Variants in EPS15L1 observed in about 807,000 individuals in gnomAD.
The protein encoded by EPS15L1 is epidermal growth factor receptor pathway substrate 15 like 1.
Under a neutral mutation model 117.1 loss-of-function variants are expected in EPS15L1, and 43 were observed. That is an observed-to-expected ratio of 0.37 (90% CI 0.29 to 0.47). The LOEUF (loss-of-function observed/expected upper bound fraction) is 0.47. Among genes scored for constraint, EPS15L1 ranks in the 20% least tolerant of loss-of-function variants. EPS15L1 has a pLI of 0.99. For synonymous variants in EPS15L1, 459 were observed against 470.5 expected (o/e 0.98, Z 0.32); for missense variants, 981 against 1,164.0 (o/e 0.84, Z 2.29).
intron 12 of EPS15L1, among the ~76,000 whole-genome samples, chr19:16,414,348 G>A (rs1053537606): frequency 3.9e-5 from 6 of 152,070 alleles, no homozygotes; most frequent in African/African-American, 1.2e-4. Flanking sequence ...CCCAGCCGAC[G>A]CCTTGACCTC....
intron 13 of EPS15L1, among the ~76,000 whole-genome samples, chr19:16,408,348 G>C (rs897589248): frequency 3.3e-5 from 5 of 152,138 alleles, no homozygotes; most frequent in African/African-American, 1.2e-4. Context: ...ATGGGGCCAG[G>C]CACGGTAGCT....
At chr19:16,398,768 A>T (rs571851900) in intron 16 of EPS15L1, among the ~76,000 whole-genome samples, 1 of 152,038 alleles carries the variant, frequency 6.6e-6, no homozygotes, top group Non-Finnish European at 1.5e-5. Flanking sequence ...TCCGCTTCTG[A>T]CCAGGGCAGG....
intron 3 of EPS15L1, chr19:16,441,115 A>G: frequency 1.6e-6 from 1 of 609,632 alleles, no homozygotes; most frequent in Non-Finnish European, 2.9e-6. Flanking sequence ...GGCCCAGAGG[A>G]CATCCAGGTG....
At chr19:16,358,207 T>C (rs1327358757) in intron 23 of EPS15L1, 2 of 152,700 alleles carry the variant, frequency 1.3e-5, no homozygotes, top group Non-Finnish European at 2.9e-5. Context: ...ATGAAAGGTG[T>C]CAGCAGGAAA....
chr19:16,461,304 T>A, intron 1 of EPS15L1, among the ~76,000 whole-genome samples: 1 of 113,310 alleles, frequency 8.8e-6, no homozygotes, highest in Non-Finnish European at 1.8e-5. Flanking sequence ...ACTCCGTCTC[T>A]TAAAAAAAAA....
intron 1 of EPS15L1, among the ~76,000 whole-genome samples, chr19:16,448,987 G>A (rs182743193): frequency 1.3e-3 from 200 of 151,956 alleles, no homozygotes; most frequent in African/African-American, 4.6e-3. Flanking sequence ...ATTAGAACAT[G>A]GGCAAGCCAG....
chr19:16,434,051 T>C (rs986390496), intron 7 of EPS15L1, among the ~76,000 whole-genome samples: 1 of 152,030 alleles, frequency 6.6e-6, no homozygotes, highest in Non-Finnish European at 1.5e-5. Context: ...AAAGCCCAAG[T>C]TGGGGAGCTT....
intron 23 of EPS15L1, chr19:16,361,513 G>T: frequency 9.4e-7 from 1 of 1,059,340 alleles, no homozygotes; most frequent in Non-Finnish European, 1.2e-6. Context: ...AATCTACCGT[G>T]AAGGACAGAT....
chr19:16,427,083 T>C (rs765179114), intron 8 of EPS15L1, among the ~76,000 whole-genome samples: 2 of 151,738 alleles, frequency 1.3e-5, no homozygotes, highest in Non-Finnish European at 2.9e-5. Context: ...GAGAGAGTGA[T>C]GGAGGGAGGG....
intron 1 of EPS15L1, among the ~76,000 whole-genome samples, chr19:16,469,324 C>CG (rs1310192490): frequency 6.6e-6 from 1 of 152,088 alleles, no homozygotes; most frequent in Non-Finnish European, 1.5e-5. Flanking sequence ...TGAAGACCGA[C>CG]GGGCTCCAGT....
chr19:16,432,738 T>G (rs1364521142), intron 7 of EPS15L1, among the ~76,000 whole-genome samples: 1 of 151,582 alleles, frequency 6.6e-6, no homozygotes, highest in Non-Finnish European at 1.5e-5. Context: ...GCCACTGCAC[T>G]CCAGCCTGGG....
rs141869509 is a variant in EPS15L1, at chr19:16,416,560, C to A, written c.1193+992G>T. Reference sequence around the variant, plus strand: ...GGGTGAGTGGGAAGATCACTTGAGCCCAGGAGGCAGAGGCTGCAGTGAGCT... The same window carrying A: ...GGGTGAGTGGGAAGATCACTTGAGCACAGGAGGCAGAGGCTGCAGTGAGCT... On this transcript the variant is annotated intron_variant, in intron 12 of 23. Coordinates refer to ENST00000455140, the MANE Select transcript of EPS15L1 (RefSeq NM_001258374.3). Among the ~76,000 whole-genome samples, 635 of 151,982 alleles carry A rather than the reference C, an allele frequency of 4.2e-3. 6 individuals are homozygous for A. The highest frequency in any genetic ancestry group is 0.015 in the African/African-American group (608 of 41,414).
At chr19:16,455,540 A>C (rs1300113825) in intron 1 of EPS15L1, among the ~76,000 whole-genome samples, 5 of 151,186 alleles carry the variant, frequency 3.3e-5, no homozygotes, top group African/African-American at 9.7e-5. Flanking sequence ...TTCAGGAGAG[A>C]CTGCCCAGCT....
intron 12 of EPS15L1, among the ~76,000 whole-genome samples, chr19:16,417,055 C>T (rs1448797524): frequency 6.6e-6 from 1 of 152,242 alleles, no homozygotes; most frequent in East Asian, 1.9e-4. Context: ...TCAAGGATAA[C>T]AAGGCCTTCC....
Position 16,365,117 on chromosome 19 carries a change from AATGGCAGCCCCTTCCCCATC to A in EPS15L1, c.2381-3153_2381-3134del, listed in dbSNP as rs2092115509. Among the ~76,000 whole-genome samples the A allele has an allele frequency of 6.6e-6, 1 of 152,194 alleles. No homozygotes were observed. Among genetic ancestry groups the A allele is most frequent in the Non-Finnish European group, 1.5e-5 (1 of 68,028 alleles). ...CAGGCAGTGGCCTTCTCAGGGAAGA[AATGGCAGCCCCTTCCCCATC>A]ATGCCTGTGTTCAGCTCTGCAGCCA... On this transcript the variant is annotated intron_variant, in intron 22 of 23. Coordinates refer to ENST00000455140, the MANE Select transcript of EPS15L1 (RefSeq NM_001258374.3). The surrounding 1 kb of genome is among the most constrained non-coding windows in gnomAD (Gnocchi z 4.9).
At chr19:16,412,831 C>T (rs2092720780) in intron 13 of EPS15L1, 1 of 516,734 alleles carries the variant, frequency 1.9e-6, no homozygotes, top group Non-Finnish European at 3.7e-6. Flanking sequence ...GAGCCGGGAC[C>T]AAGGCCACGG....
chr19:16,444,063 C>CAAAAAAAAAAAAAA (rs545605173), intron 1 of EPS15L1, among the ~76,000 whole-genome samples: 1 of 37,698 alleles, frequency 2.7e-5, no homozygotes, highest in African/African-American at 1.1e-4. Context: ...GACTCCGTCT[C>CAAAAAAAAAAAAAA]AAAAAAAAAA....
chr19:16,377,122 C>A lies in EPS15L1; in HGVS notation c.2380G>T (p.Gly794Cys). The A allele has an allele frequency of 6.3e-7, 1 of 1,598,026 alleles. No individual in the cohort carries two copies. Among genetic ancestry groups the A allele is most frequent in the Admixed American group, 1.8e-5 (1 of 55,674 alleles). The change falls in exon 22 of 24, where the codon GGT (glycine) becomes TGT (cysteine). Residue 794 changes from glycine to cysteine, a missense_variant and splice_region_variant. Coordinates refer to ENST00000455140, the MANE Select transcript of EPS15L1 (RefSeq NM_001258374.3). ...PAPPRPKPPS[G>C]KSTPVSQLGS... The stretch of plus-strand genomic sequence containing the variant: ...CTGCGAGAGAAGAAAGCTTACTGAC[C>A]GCTGGGCGGTTTAGGCCGTGGAGGA...
intron 1 of EPS15L1, among the ~76,000 whole-genome samples, chr19:16,462,375 G>C (rs112508806): frequency 0.04 from 6,057 of 151,470 alleles, 159 homozygotes; most frequent in African/African-American, 0.081. Context: ...TCAGGGAAGT[G>C]GGGGGGAGGG....
Sources: allele counts gnomAD v4.1 joint callset (sites outside exome capture counted in the v4.1 genomes callset), GRCh38; gene constraint gnomAD v4.1.1; non-coding constraint Gnocchi (gnomAD v3.1); transcripts MANE v1.5; gene names NCBI Gene and HGNC (gene_info 2026-07-23, HGNC 2026-07-21).